DAGLA: variants seen among roughly 807,000 people sequenced by gnomAD.
The protein encoded by DAGLA is diacylglycerol lipase-alpha.
A neutral mutation model predicts 102.6 loss-of-function variants in DAGLA; 22 were observed. The ratio of observed to expected loss-of-function variants is 0.21; its 90% CI spans 0.15 to 0.31. The LOEUF (loss-of-function observed/expected upper bound fraction) is 0.31, where lower values mean the gene tolerates loss of function less well. Among genes scored for constraint, DAGLA ranks in the 10% least tolerant of loss-of-function variants. The pLI, the probability that DAGLA is intolerant of heterozygous loss-of-function variation, is 1.00. For missense variants in DAGLA, 927 were observed against 1,446.6 expected (o/e 0.64, Z 5.83); for synonymous variants, 578 against 628.9 (o/e 0.92, Z 1.21).
chr11:61,743,413 A>T (rs2135615166), intron 19 of DAGLA, 119 bp from the exon 20 acceptor site: 1 of 721,304 alleles, frequency 1.4e-6, no homozygotes, highest in Non-Finnish European at 2.2e-6. Flanking sequence ...CACATCATCA[A>T]CAACTGCTAA....
chr11:61,731,268 G>A, intron 8 of DAGLA, 49 bp from the exon 9 acceptor site: 1 of 1,607,382 alleles, frequency 6.2e-7, no homozygotes, highest in African/African-American at 1.3e-5. Flanking sequence ...CCCTGAGGCT[G>A]TAGGCAGGAA....
intron 1 of DAGLA, among the ~76,000 whole-genome samples, chr11:61,703,678 A>ATGG (rs2065126850): frequency 2.3e-4 from 34 of 149,460 alleles, no homozygotes; most frequent in African/African-American, 7.7e-4. Flanking sequence ...AGGATGGAGG[A>ATGG]ATGGATGGAT....
chr11:61,724,656 C>G (rs900216401), intron 5 of DAGLA, among the ~76,000 whole-genome samples: 12 of 152,326 alleles, frequency 7.9e-5, no homozygotes, highest in African/African-American at 2.9e-4. Flanking sequence ...GCCAGAGCCA[C>G]ACCCGTGCCT....
chr11:61,701,171 A>G (rs1352484633), intron 1 of DAGLA, among the ~76,000 whole-genome samples: 1 of 152,206 alleles, frequency 6.6e-6, no homozygotes, highest in Non-Finnish European at 1.5e-5. Flanking sequence ...CAGTAAACAG[A>G]AGTGCTAATA....
chr11:61,698,248 T>C (rs2065081714), intron 1 of DAGLA, among the ~76,000 whole-genome samples: 1 of 152,168 alleles, frequency 6.6e-6, no homozygotes, highest in Admixed American at 6.5e-5. Flanking sequence ...CTGACATCTC[T>C]CCTGTGGTGC....
intron 1 of DAGLA, among the ~76,000 whole-genome samples, chr11:61,718,444 G>C (rs1454675176): frequency 1.3e-5 from 2 of 152,130 alleles, no homozygotes; most frequent in African/African-American, 4.8e-5. Context: ...CCAGCTGTTG[G>C]CAGCTCTGTT....
intron 1 of DAGLA, among the ~76,000 whole-genome samples, chr11:61,694,156 A>C (rs752041710): frequency 6.6e-6 from 1 of 152,220 alleles, no homozygotes; most frequent in Non-Finnish European, 1.5e-5. Context: ...TAGGGTACTC[A>C]TCTGTAGGAT....
At chr11:61,740,672 A>C in intron 18 of DAGLA, 80 bp downstream of exon 18, 123 of 1,547,072 alleles carry the variant, frequency 8.0e-5, no homozygotes, top group Non-Finnish European at 9.5e-5. Context: ...CCATCAGATC[A>C]CTGCCCGATT....
chr11:61,724,108 G>A (rs1378546579), intron 5 of DAGLA, among the ~76,000 whole-genome samples: 2 of 152,146 alleles, frequency 1.3e-5, no homozygotes, highest in Non-Finnish European at 2.9e-5. Flanking sequence ...AATTAGGCTA[G>A]GCTGCCTCTA....
chr11:61,740,693 G>A, intron 18 of DAGLA, 101 bp downstream of exon 18: 1 of 1,477,880 alleles, frequency 6.8e-7, no homozygotes, highest in African/African-American at 1.4e-5. Flanking sequence ...TTACAGACAA[G>A]GGTGCTGGGG....
intron 1 of DAGLA, among the ~76,000 whole-genome samples, chr11:61,695,764 C>A (rs1001734324): frequency 1.3e-5 from 2 of 152,170 alleles, no homozygotes; most frequent in Admixed American, 6.5e-5. Flanking sequence ...TTTTTGGGGT[C>A]CAGGACAGCA....
At chr11:61,696,710 T>G (rs574987188) in intron 1 of DAGLA, among the ~76,000 whole-genome samples, 1 of 152,172 alleles carries the variant, frequency 6.6e-6, no homozygotes, top group African/African-American at 2.4e-5. Context: ...CTAGCAAGGT[T>G]TGCGTGAAGC....
intron 1 of DAGLA, among the ~76,000 whole-genome samples, chr11:61,715,241 C>T (rs1194665757): frequency 6.6e-6 from 1 of 152,194 alleles, no homozygotes; most frequent in East Asian, 1.9e-4. Flanking sequence ...GGACTTGGGA[C>T]ACAGAAGGTG....
At position 61,745,514 on chromosome 11, in the gene DAGLA, C is replaced by A. The variant is rs1341143976; in HGVS notation, c.*1025C>A. Reference sequence around the variant, plus strand: ...TGGGAGCAGGCCTTCCTCCCTCCCACCCCCAATGTCCTGTTGGTAGGAGGT... The same window carrying A: ...TGGGAGCAGGCCTTCCTCCCTCCCAACCCCAATGTCCTGTTGGTAGGAGGT... On this transcript the variant is annotated 3_prime_UTR_variant, in exon 20 of 20. Transcript: ENST00000257215. 6.5e-6 allele frequency: 1 copy of A among 152,858 alleles called. No individual in the cohort carries two copies. Among genetic ancestry groups the A allele is most frequent in the Non-Finnish European group, 1.5e-5 (1 of 68,252 alleles). 9.5% of individuals were successfully genotyped at this position (152,858 alleles called of 1,614,324 possible). A position where few individuals can be genotyped will look rare whatever the true frequency, so the allele number is the denominator to read the frequency against.
Position 61,728,957 on chromosome 11 carries a change from G to T in DAGLA, c.798G>T (p.Leu266=), listed in dbSNP as rs1205806503. Residue 266 remains leucine (L), a synonymous_variant, in exon 8 of 20, where the codon CTG becomes CTT. Transcript: ENST00000257215. ...CAAACAATGACATCTTGGCCTTCCT[G>T]TCTGGGATGCCGGTGACCAGAAACA... ...DEANNDILAF[L]SGMPVTRNTK... 20 of 1,614,102 alleles carry T rather than the reference G, an allele frequency of 1.2e-5. No homozygotes were observed. Among genetic ancestry groups the T allele is most frequent in the East Asian group, 8.9e-5 (4 of 44,900 alleles).
chr11:61,691,741 G>T (rs949455976), intron 1 of DAGLA, among the ~76,000 whole-genome samples: 7 of 152,236 alleles, frequency 4.6e-5, no homozygotes, highest in Admixed American at 2.6e-4. Context: ...GAAACCGCAG[G>T]GGGTGTTGGG....
At chr11:61,714,283 C>T (rs1301157229) in intron 1 of DAGLA, among the ~76,000 whole-genome samples, 2 of 152,204 alleles carry the variant, frequency 1.3e-5, no homozygotes, top group Non-Finnish European at 2.9e-5. Flanking sequence ...GTCCCCATCA[C>T]CAGCCCCCAG....
chr11:61,737,143 G>T, intron 13 of DAGLA, 39 bp from the exon 14 acceptor site: 1 of 1,612,010 alleles, frequency 6.2e-7, no homozygotes, highest in Non-Finnish European at 8.5e-7. Flanking sequence ...CGCTTGGCGG[G>T]CATTGGGGCA....
At chr11:61,708,227 C>T (rs1468891973) in intron 1 of DAGLA, among the ~76,000 whole-genome samples, 2 of 152,158 alleles carry the variant, frequency 1.3e-5, no homozygotes. Flanking sequence ...AGGCTGGTCT[C>T]GATCTCCTGG....
Sources: gnomAD v4.1 joint callset for allele counts (sites outside exome capture counted in the v4.1 genomes callset) on GRCh38, gnomAD v4.1.1 for gene constraint, MANE v1.5 for transcripts, NCBI Gene and HGNC (gene_info 2026-07-23, HGNC 2026-07-21) for gene names.